CARMIL1: variants seen among roughly 807,000 people sequenced by gnomAD.
CARMIL1 encodes the protein capping protein regulator and myosin 1 linker 1.
In CARMIL1, 90 loss-of-function variants were observed where a neutral mutation model predicts 177.1. The observed-to-expected ratio is 0.51, with a 90% CI of 0.43 to 0.61. The LOEUF (loss-of-function observed/expected upper bound fraction) is 0.61, where lower values mean the gene tolerates loss of function less well. Ranked by LOEUF, CARMIL1 falls within the 20% of genes least tolerant of loss-of-function variation. The pLI, the probability that CARMIL1 is intolerant of heterozygous loss-of-function variation, is 0.00. For synonymous variants in CARMIL1, 577 were observed against 606.2 expected, an observed-to-expected ratio of 0.95 and a Z score of 0.71; for missense variants, 1,380 against 1,667.0, an observed-to-expected ratio of 0.83 and a Z score of 3.00.
chr6:25,308,662 T>G (rs1003158979), intron 2 of CARMIL1, among the ~76,000 whole-genome samples: 1 of 148,412 alleles, frequency 6.7e-6, no homozygotes, highest in African/African-American at 2.5e-5. Flanking sequence ...ATTACAGGCG[T>G]GAGCCACTGT....
intron 2 of CARMIL1, among the ~76,000 whole-genome samples, chr6:25,382,931 G>T (rs1791720981): frequency 6.6e-6 from 1 of 152,160 alleles, no homozygotes; most frequent in African/African-American, 2.4e-5. Flanking sequence ...CACAATGCCT[G>T]GCCTTATATT....
intron 24 of CARMIL1, among the ~76,000 whole-genome samples, chr6:25,531,007 C>T (rs1452252806): frequency 2.6e-5 from 4 of 151,838 alleles, no homozygotes; most frequent in East Asian, 1.9e-4. Context: ...GTAAAGGTAA[C>T]GAAACAAACT....
At chr6:25,382,999 T>C (rs1581748662) in intron 2 of CARMIL1, among the ~76,000 whole-genome samples, 1 of 151,986 alleles carries the variant, frequency 6.6e-6, no homozygotes, top group Non-Finnish European at 1.5e-5. Context: ...GGGCAGTCTG[T>C]GAAAGAGAGA....
In CARMIL1 at chr6:25,294,422, T is replaced by C. The variant is rs991694225; in HGVS notation, c.138+9513T>C. 4.6e-5 allele frequency among the ~76,000 whole-genome samples: 7 copies of C among 152,312 alleles called. No homozygotes were observed. The South Asian group carries it at 1.5e-3, about 32-fold the overall frequency. On this transcript the variant is annotated intron_variant, in intron 2 of 36. Coordinates refer to ENST00000329474, the MANE Select transcript of CARMIL1 (RefSeq NM_017640.6). ...GAGGATCTTGGGGCTGGAGGACTCT[T>C]GGCAGCCATCTAACCATGTGTCCTA...
intron 2 of CARMIL1, among the ~76,000 whole-genome samples, chr6:25,340,459 T>C (rs1786788392): frequency 6.6e-6 from 1 of 152,224 alleles, no homozygotes; most frequent in African/African-American, 2.4e-5. Flanking sequence ...TTAGAATGTA[T>C]TGCTTTTGGT....
At chr6:25,447,094 C>T (rs1332478713) in intron 5 of CARMIL1, among the ~76,000 whole-genome samples, 3 of 152,112 alleles carry the variant, frequency 2.0e-5, no homozygotes, top group African/African-American at 4.8e-5. Context: ...CAGAATGTGG[C>T]ACAGAGACAG....
chr6:25,564,138 T>C, intron 29 of CARMIL1, among the ~76,000 whole-genome samples: 1 of 152,204 alleles, frequency 6.6e-6, no homozygotes, highest in East Asian at 1.9e-4. Context: ...GTCTTAGGAA[T>C]AGGTCACAGT....
At chr6:25,316,716 A>G (rs1039071825) in intron 2 of CARMIL1, among the ~76,000 whole-genome samples, 1 of 152,002 alleles carries the variant, frequency 6.6e-6, no homozygotes, top group African/African-American at 2.4e-5. Flanking sequence ...GGCCATTATT[A>G]TTATAATTTT....
chr6:25,361,545 T>C (rs1789196890), intron 2 of CARMIL1, among the ~76,000 whole-genome samples: 1 of 152,244 alleles, frequency 6.6e-6, no homozygotes, highest in Non-Finnish European at 1.5e-5. Context: ...AGCTTTTTTC[T>C]TATTTTTCTT....
intron 5 of CARMIL1, among the ~76,000 whole-genome samples, chr6:25,445,760 G>A (rs1477313060): frequency 6.6e-6 from 1 of 151,120 alleles, no homozygotes; most frequent in Non-Finnish European, 1.5e-5. Flanking sequence ...GGATGGTCTC[G>A]ATCTCCTGAC....
intron 12 of CARMIL1, among the ~76,000 whole-genome samples, chr6:25,485,681 T>A (rs1200396183): frequency 6.6e-6 from 1 of 152,222 alleles, no homozygotes; most frequent in Non-Finnish European, 1.5e-5. Flanking sequence ...GTGATCCATC[T>A]GCCTCAGCCT....
chr6:25,394,702 G>T (rs943874373), intron 2 of CARMIL1, among the ~76,000 whole-genome samples: 1 of 152,130 alleles, frequency 6.6e-6, no homozygotes, highest in East Asian at 1.9e-4. Flanking sequence ...ATAAATAACC[G>T]TACTGAAATT....
chr6:25,428,128 A>C (rs1192930009), intron 4 of CARMIL1, among the ~76,000 whole-genome samples: 1 of 152,226 alleles, frequency 6.6e-6, no homozygotes, highest in Non-Finnish European at 1.5e-5. Flanking sequence ...TATCTTCCAG[A>C]AGTTTTACAG....
intron 8 of CARMIL1, among the ~76,000 whole-genome samples, chr6:25,455,604 G>T (rs1334264814): frequency 2.0e-5 from 3 of 152,196 alleles, no homozygotes; most frequent in Non-Finnish European, 2.9e-5. Flanking sequence ...GCTCCAGTTG[G>T]CAGTTATAGC....
chr6:25,394,447 A>T lies in CARMIL1; in HGVS notation c.139-25667A>T, dbSNP rs544477411. Among the ~76,000 whole-genome samples, 8 of 152,330 alleles carry T rather than the reference A, an allele frequency of 5.3e-5. No individual in the cohort carries two copies. In the South Asian group the frequency reaches 1.4e-3, roughly 28 times the overall value. The stretch of plus-strand genomic sequence containing the variant: ...GGGCTAAGTCAGAAATCTGGTAAAC[A>T]CTTGAGTAAGCCTTGTTTGTTTGCT... On this transcript the variant is annotated intron_variant, in intron 2 of 36. Transcript: ENST00000329474.
At chr6:25,521,686 G>A (rs192024510) in intron 23 of CARMIL1, among the ~76,000 whole-genome samples, 37 of 151,218 alleles carry the variant, frequency 2.4e-4, no homozygotes, top group East Asian at 1.2e-3. Context: ...GGAGAATGGC[G>A]TGAACCCGGG....
At chr6:25,529,784 A>C (rs904013567) in intron 24 of CARMIL1, among the ~76,000 whole-genome samples, 5 of 145,586 alleles carry the variant, frequency 3.4e-5, no homozygotes, top group African/African-American at 1.3e-4. Flanking sequence ...AAAAAAAAAA[A>C]AGAATAGGCT....
At chr6:25,442,251 A>G (rs1562141882) in intron 5 of CARMIL1, among the ~76,000 whole-genome samples, 1 of 150,470 alleles carries the variant, frequency 6.6e-6, no homozygotes, top group Admixed American at 6.7e-5. Flanking sequence ...TGTGTTTGTC[A>G]TCTAGTTTGC....
intron 2 of CARMIL1, among the ~76,000 whole-genome samples, chr6:25,315,819 G>A (rs1784231587): frequency 6.6e-6 from 1 of 152,146 alleles, no homozygotes; most frequent in South Asian, 2.1e-4. Flanking sequence ...GCACCCTCTA[G>A]TCCCTTGCTA....
Sources: gnomAD v4.1 joint callset for allele counts (sites outside exome capture counted in the v4.1 genomes callset) on GRCh38, gnomAD v4.1.1 for gene constraint, MANE v1.5 for transcripts, NCBI Gene and HGNC (gene_info 2026-07-23, HGNC 2026-07-21) for gene names.